Variants in SPTLC2 observed in about 807,000 individuals in gnomAD.
The protein encoded by SPTLC2 is serine palmitoyltransferase 2.
Under a neutral mutation model 62.0 loss-of-function variants are expected in SPTLC2, and 21 were observed. That is an observed-to-expected ratio of 0.34 (90% CI 0.24 to 0.49). The LOEUF (loss-of-function observed/expected upper bound fraction) is 0.49. SPTLC2 is among the 20% of genes least tolerant of loss of function. The pLI is 0.99. For synonymous variants in SPTLC2, 261 were observed against 261.8 expected (o/e 1.00, Z 0.03); for missense variants, 511 against 713.0 (o/e 0.72, Z 3.23).
chr14:77,596,407 G>A (rs1293111228), intron 2 of SPTLC2, among the ~76,000 whole-genome samples: 5 of 152,052 alleles, frequency 3.3e-5, no homozygotes, highest in Admixed American at 1.3e-4. Context: ...GGAGGCTGAG[G>A]CAGAAGAATG....
chr14:77,536,368 T>G (rs982151272), intron 9 of SPTLC2, among the ~76,000 whole-genome samples: 8 of 148,428 alleles, frequency 5.4e-5, no homozygotes, highest in Admixed American at 1.3e-4. Context: ...TATTTTTTGG[T>G]TTTTTTTTTC....
chr14:77,531,622 T>G (rs569602854), intron 9 of SPTLC2, among the ~76,000 whole-genome samples: 12 of 152,038 alleles, frequency 7.9e-5, no homozygotes, highest in East Asian at 1.9e-4. Flanking sequence ...TAAACGATTC[T>G]CCTCCCTCAG....
chr14:77,584,970 T>C (rs2079773170), intron 2 of SPTLC2, among the ~76,000 whole-genome samples: 1 of 152,242 alleles, frequency 6.6e-6, no homozygotes, highest in Admixed American at 6.5e-5. Flanking sequence ...CAGACCTCAG[T>C]GCTGGGTCGG....
chr14:77,543,769 C>T (rs2079514090), intron 9 of SPTLC2, among the ~76,000 whole-genome samples: 1 of 152,174 alleles, frequency 6.6e-6, no homozygotes. Flanking sequence ...TCCACCTATG[C>T]CACTGATTCA....
In SPTLC2 at chr14:77,518,183, C is replaced by G; in HGVS notation, c.1440-16G>C. 3.1e-6 allele frequency: 5 copies of G among 1,614,076 alleles called. No homozygotes were observed. Among genetic ancestry groups the G allele is most frequent in the Non-Finnish European group, 4.2e-6 (5 of 1,179,990 alleles). ...TCCAAAGGCGCTGCAAAGGGGAAAA[C>G]AAGAACAGAAACCAGGAGGAGTGAA... is the stretch of plus-strand genomic sequence containing the variant. On this transcript the variant is annotated splice_polypyrimidine_tract_variant and intron_variant, in intron 10 of 11. Coordinates refer to ENST00000216484, the MANE Select transcript of SPTLC2 (RefSeq NM_004863.4).
rs191353841 is a variant in SPTLC2 at position 77,577,161 on chromosome 14, A to C, written c.483-246T>G. Among the ~76,000 whole-genome samples, 93 of 152,162 alleles carry C rather than the reference A, an allele frequency of 6.1e-4. 2 individuals carry two copies. The highest frequency in any genetic ancestry group is 1.3e-3 in the Non-Finnish European group (85 of 68,000). Reference sequence around the variant, plus strand: ...GGACAATCACCTTATCTTACAGGACACTGTACATAAGAATATCAGGTTTGT... The same window carrying C: ...GGACAATCACCTTATCTTACAGGACCCTGTACATAAGAATATCAGGTTTGT... On this transcript the variant is annotated intron_variant, in intron 3 of 11. Transcript: ENST00000216484.
chr14:77,581,405 CTTT>C (rs1159561282), intron 2 of SPTLC2, among the ~76,000 whole-genome samples: 3 of 94,022 alleles, frequency 3.2e-5, no homozygotes, highest in African/African-American at 8.0e-5. Flanking sequence ...TACCATCTCT[CTTT>C]TTTTTTTTTT....
intron 10 of SPTLC2, among the ~76,000 whole-genome samples, chr14:77,520,642 G>A (rs895310818): frequency 2.6e-5 from 4 of 152,154 alleles, no homozygotes; most frequent in Admixed American, 6.5e-5. Flanking sequence ...TATAATTACT[G>A]TTCATTTGCT....
At chr14:77,571,610 T>C (rs918102219) in intron 4 of SPTLC2, among the ~76,000 whole-genome samples, 3 of 151,910 alleles carry the variant, frequency 2.0e-5, no homozygotes, top group African/African-American at 4.8e-5. Context: ...CTAAATGACA[T>C]TACAGAGAGA....
Position 77,616,563 on chromosome 14 carries a change from C to T in SPTLC2, c.17G>A (p.Gly6Glu). Residue 6 changes from glycine to glutamate, a missense_variant, in exon 1 of 12, where the codon GGA becomes GAA. Transcript: ENST00000216484. MRPEP[G>E]GCCCRRTVRA... ...CACCGTGCGGCGGCAGCAGCAGCCT[C>T]CGGGCTCCGGCCGCATCTTCCTGGC... 1 of 1,537,634 alleles carries T rather than the reference C, an allele frequency of 6.5e-7. No homozygotes were observed. The highest frequency in any genetic ancestry group is 8.7e-7 in the Non-Finnish European group (1 of 1,147,782).
chr14:77,568,191 CCT>C (rs965911135), intron 5 of SPTLC2, among the ~76,000 whole-genome samples: 4 of 152,024 alleles, frequency 2.6e-5, no homozygotes, highest in African/African-American at 4.8e-5. Flanking sequence ...TTTATTTTCC[CCT>C]GTTTTTTCTT....
At chr14:77,570,918 G>C (rs2079678484) in intron 4 of SPTLC2, among the ~76,000 whole-genome samples, 1 of 152,036 alleles carries the variant, frequency 6.6e-6, no homozygotes. Context: ...GGGAACTGAG[G>C]GATAAGAGAC....
At chr14:77,535,559 A>T (rs2079465419) in intron 9 of SPTLC2, 1 of 162,358 alleles carries the variant, frequency 6.2e-6, no homozygotes, top group African/African-American at 2.4e-5. Flanking sequence ...AAGTGGACTG[A>T]GGATACATTT....
intron 9 of SPTLC2, among the ~76,000 whole-genome samples, chr14:77,544,488 G>C (rs2079517914): frequency 6.6e-6 from 1 of 152,150 alleles, no homozygotes; most frequent in Admixed American, 6.5e-5. Flanking sequence ...TGGCAGGGAG[G>C]CCTCGCCTTG....
chr14:77,545,888 TAGC>T (rs2079525764), intron 9 of SPTLC2, among the ~76,000 whole-genome samples: 1 of 152,160 alleles, frequency 6.6e-6, no homozygotes, highest in African/African-American at 2.4e-5. Context: ...AAGAAAAAGA[TAGC>T]AGTGGAATAA....
At chr14:77,528,620 T>C (rs1330772373) in intron 9 of SPTLC2, among the ~76,000 whole-genome samples, 1 of 152,098 alleles carries the variant, frequency 6.6e-6, no homozygotes, top group Non-Finnish European at 1.5e-5. Flanking sequence ...GCTCCAAGAA[T>C]GGTTTCAGTT....
chr14:77,565,086 C>T (rs1426536685), intron 5 of SPTLC2, among the ~76,000 whole-genome samples: 1 of 151,256 alleles, frequency 6.6e-6, no homozygotes, highest in Non-Finnish European at 1.5e-5. Context: ...CTAAGAAATA[C>T]AAAAAATTAG....
In SPTLC2 at chr14:77,525,291, C is replaced by G. The variant is rs147309585; in HGVS notation, c.1304-3710G>C. Among the ~76,000 whole-genome samples the G allele has an allele frequency of 8.6e-5, 13 of 151,936 alleles. No homozygotes were observed. The East Asian group carries it at 2.5e-3, about 30-fold the overall frequency. On this transcript the variant is annotated intron_variant, in intron 9 of 11. Transcript: ENST00000216484. ...AGCCTGGGTAACATAGTGTGAGACT[C>G]TGTCACTTACGAAAAATGAGCCAGG...
At chr14:77,585,213 A>C (rs1442914826) in intron 2 of SPTLC2, among the ~76,000 whole-genome samples, 1 of 152,252 alleles carries the variant, frequency 6.6e-6, no homozygotes, top group Non-Finnish European at 1.5e-5. Flanking sequence ...TCTACCAATA[A>C]TGTGACGATT....
Sources: allele counts gnomAD v4.1 joint callset (sites outside exome capture counted in the v4.1 genomes callset), GRCh38; gene constraint gnomAD v4.1.1; transcripts MANE v1.5; gene names NCBI Gene and HGNC (gene_info 2026-07-23, HGNC 2026-07-21).